The following PCSK5 variants were observed in gnomAD, a reference collection of about 807,000 sequenced individuals.
The protein encoded by PCSK5 is prohormone convertase 5.
A neutral mutation model predicts 233.2 loss-of-function variants in PCSK5; 129 were observed. The observed-to-expected ratio is 0.55, with a 90% CI of 0.48 to 0.64. PCSK5 has a LOEUF of 0.64. Ranked by LOEUF, PCSK5 falls within the 30% of genes least tolerant of loss-of-function variation. The pLI is 0.00. For missense variants in PCSK5, 2,076 were observed against 2,430.1 expected, an observed-to-expected ratio of 0.85 and a Z score of 3.06; for synonymous variants, 825 against 879.2, an observed-to-expected ratio of 0.94 and a Z score of 1.09.
At chr9:75,980,184 A>C (rs983773962) in intron 2 of PCSK5, among the ~76,000 whole-genome samples, 2 of 152,244 alleles carry the variant, frequency 1.3e-5, no homozygotes, top group Non-Finnish European at 1.5e-5. Context: ...TTTGAAAGTG[A>C]GTAATGTAAT....
At chr9:75,926,921 A>G (rs530883312) in intron 1 of PCSK5, among the ~76,000 whole-genome samples, 2 of 152,318 alleles carry the variant, frequency 1.3e-5, no homozygotes, top group African/African-American at 2.4e-5. Context: ...CTATTAAGAA[A>G]ATTCTGTGAA....
chr9:76,139,929 A>G (rs974069649), intron 10 of PCSK5, among the ~76,000 whole-genome samples: 8 of 152,124 alleles, frequency 5.3e-5, no homozygotes, highest in Admixed American at 2.6e-4. Context: ...CTGCTTGGTC[A>G]TGGCTTAATC....
rs1348249213 is a variant in PCSK5 at position 76,310,730 on chromosome 9, T to A, written c.3763T>A (p.Cys1255Ser). The A allele has an allele frequency of 1.2e-6, 2 of 1,612,248 alleles. No homozygotes were observed. The highest frequency in any genetic ancestry group is 2.2e-5 in the South Asian group (2 of 91,004). The change falls in exon 30 of 38, where the codon TGC (cysteine) becomes AGC (serine). Residue 1255 changes from cysteine to serine, a missense_variant. Coordinates refer to ENST00000674117, the MANE Select transcript of PCSK5 (RefSeq NM_001372043.1). ...GTWPSVRSGS[C>S]ENCTEACAIC... ...ATGGCCTTCCGTAAGGAGTGGGAGCTGCGAGAACTGTACGGAGGCCTGTGC... is the reference window on the plus strand; with the variant it reads ...ATGGCCTTCCGTAAGGAGTGGGAGCAGCGAGAACTGTACGGAGGCCTGTGC...
intron 12 of PCSK5, among the ~76,000 whole-genome samples, chr9:76,168,371 C>T (rs989604877): frequency 5.3e-5 from 8 of 152,206 alleles, no homozygotes; most frequent in Non-Finnish European, 1.5e-5. Flanking sequence ...CTGGTCTGAA[C>T]TCCTGACCTC....
At position 76,064,236 on chromosome 9, in the gene PCSK5, A is replaced by AC. The variant is rs1227305759; in HGVS notation, c.633-3712dup. Among the ~76,000 whole-genome samples, 358 of 82,866 alleles carry AC rather than the reference A, an allele frequency of 4.3e-3. 28 individuals carry two copies. The highest frequency in any genetic ancestry group is 0.024 in the African/African-American group (338 of 14,072). The allele number at this position is 82,866 out of a possible 152,430, so 54.4% of individuals were successfully genotyped here. ...GGGCGGCTGGCCGGGTGGGGGGCTG[A>AC]CCCCCCCATCTCCCTCCTGGACGGG... On this transcript the variant is annotated intron_variant, in intron 5 of 37. Transcript: ENST00000674117.
intron 1 of PCSK5, among the ~76,000 whole-genome samples, chr9:75,929,421 G>A (rs1476775136): frequency 1.3e-5 from 2 of 151,220 alleles, no homozygotes; most frequent in Non-Finnish European, 2.9e-5. Context: ...ATAACTAGAG[G>A]TGCATATTCT....
At chr9:76,039,270 C>T (rs897392459) in intron 5 of PCSK5, among the ~76,000 whole-genome samples, 3 of 152,200 alleles carry the variant, frequency 2.0e-5, no homozygotes, top group African/African-American at 2.4e-5. Context: ...TAATGCATCC[C>T]GGTTGAAACA....
At chr9:76,341,624 A>AG (rs1829839358) in intron 35 of PCSK5, among the ~76,000 whole-genome samples, 1 of 152,146 alleles carries the variant, frequency 6.6e-6, no homozygotes, top group Non-Finnish European at 1.5e-5. Context: ...TTTTATCTAT[A>AG]TACTTTGGAA....
chr9:76,051,945 A>G (rs912711257), intron 5 of PCSK5, among the ~76,000 whole-genome samples: 48 of 152,326 alleles, frequency 3.2e-4, no homozygotes, highest in African/African-American at 9.1e-4. Context: ...AATAGACCCA[A>G]TGCAGAAGGA....
At chr9:76,124,647 G>A (rs941257151) in intron 9 of PCSK5, among the ~76,000 whole-genome samples, 13 of 151,088 alleles carry the variant, frequency 8.6e-5, no homozygotes, top group African/African-American at 2.7e-4. Flanking sequence ...TCGGGAGGCT[G>A]AGGCAGGGGA....
intron 20 of PCSK5, among the ~76,000 whole-genome samples, chr9:76,226,233 GC>G (rs1825886599): frequency 6.6e-6 from 1 of 152,068 alleles, no homozygotes; most frequent in Non-Finnish European, 1.5e-5. Flanking sequence ...TACATGAAAG[GC>G]TTTTTCTGCT....
At chr9:76,181,305 C>G (rs1319397220) in intron 15 of PCSK5, 93 bp from the exon 16 acceptor site, 1 of 1,038,326 alleles carries the variant, frequency 9.6e-7, no homozygotes, top group Non-Finnish European at 1.4e-6. Flanking sequence ...GATTTGGAAG[C>G]TGAGCTCAGC....
chr9:76,169,841 G>A lies in PCSK5; in HGVS notation c.1756+1G>A. ...CAGCTAAGGAACTTTAAGACTCCAG[G>A]TGAGAACTCCCTTTCTATACATTGT... On this transcript the variant is annotated splice_donor_variant, in intron 13 of 37. Coordinates refer to ENST00000674117, the MANE Select transcript of PCSK5 (RefSeq NM_001372043.1). LOFTEE classifies it high-confidence loss of function. 6.2e-7 allele frequency: 1 copy of A among 1,612,588 alleles called. No individual in the cohort carries two copies. Among genetic ancestry groups the A allele is most frequent in the Non-Finnish European group, 8.5e-7 (1 of 1,178,706 alleles).
At chr9:76,240,555 C>A in intron 23 of PCSK5, 61 bp from the exon 24 acceptor site, 2 of 1,113,486 alleles carry the variant, frequency 1.8e-6, no homozygotes, top group Non-Finnish European at 2.7e-6. Flanking sequence ...ATTTTTGTAG[C>A]AATTAACGTG....
At chr9:75,985,165 T>G (rs1563955725) in intron 2 of PCSK5, among the ~76,000 whole-genome samples, 1 of 152,236 alleles carries the variant, frequency 6.6e-6, no homozygotes. Context: ...GGGCTGATTC[T>G]GCATTTGAGA....
At chr9:76,237,438 A>G (rs755156569) in intron 22 of PCSK5, among the ~76,000 whole-genome samples, 1 of 152,232 alleles carries the variant, frequency 6.6e-6, no homozygotes, top group Non-Finnish European at 1.5e-5. Flanking sequence ...CAAAATAGGT[A>G]GCTTGAGAGC....
chr9:76,006,529 A>G (rs1827485782), intron 3 of PCSK5, among the ~76,000 whole-genome samples: 1 of 152,126 alleles, frequency 6.6e-6, no homozygotes, highest in Non-Finnish European at 1.5e-5. Context: ...GAGTCTACCT[A>G]TGGAACAATT....
At position 76,207,358 on chromosome 9, in the gene PCSK5, AAAT is replaced by A. The variant is rs897452836; in HGVS notation, c.2626+17620_2626+17622del. ...CACCATTTTTACTTCAGTGAAGTGG[AAAT>A]AATAATATGTCCTCATGAGAACATT... On this transcript the variant is annotated intron_variant, in intron 20 of 37. Transcript: ENST00000674117. 5.3e-5 allele frequency among the ~76,000 whole-genome samples: 8 copies of A among 152,304 alleles called. No homozygotes were observed. The East Asian group carries it at 1.2e-3, about 22-fold the overall frequency.
intron 24 of PCSK5, among the ~76,000 whole-genome samples, chr9:76,284,690 G>A (rs1429840712): frequency 2.6e-5 from 4 of 151,738 alleles, no homozygotes; most frequent in Non-Finnish European, 5.9e-5. Context: ...GTGCCAGCAT[G>A]CCCAGCTAAT....
Sources: gnomAD v4.1 joint callset for allele counts (sites outside exome capture counted in the v4.1 genomes callset) on GRCh38, gnomAD v4.1.1 for gene constraint, MANE v1.5 for transcripts, NCBI Gene and HGNC (gene_info 2026-07-23, HGNC 2026-07-21) for gene names.